The following SETX variants were observed in gnomAD, a reference collection of about 807,000 sequenced individuals.
SETX encodes senataxin.
A neutral mutation model predicts 227.2 loss-of-function variants in SETX; 90 were observed. The ratio of observed to expected loss-of-function variants is 0.40; its 90% CI spans 0.33 to 0.47. The LOEUF is 0.47. SETX is among the 20% of genes least tolerant of loss of function. SETX has a pLI of 0.91. For synonymous variants in SETX, 1,210 were observed against 1,113.2 expected, an observed-to-expected ratio of 1.09 and a Z score of -1.73; for missense variants, 3,052 against 3,181.5, an observed-to-expected ratio of 0.96 and a Z score of 0.98.
At chr9:132,342,454 A>G (rs1848034921) in intron 5 of SETX, among the ~76,000 whole-genome samples, 1 of 152,190 alleles carries the variant, frequency 6.6e-6, no homozygotes, top group African/African-American at 2.4e-5. Context: ...AAGGACATCA[A>G]GTTATTCCCG....
chr9:132,269,019 A>C (rs537068885), intron 25 of SETX, among the ~76,000 whole-genome samples: 30 of 152,366 alleles, frequency 2.0e-4, no homozygotes, highest in Admixed American at 1.9e-3. Context: ...GGAAAACTAC[A>C]AAGTTATTAC....
intron 25 of SETX, among the ~76,000 whole-genome samples, chr9:132,267,905 T>C (rs941409090): frequency 3.9e-5 from 6 of 152,138 alleles, no homozygotes; most frequent in Admixed American, 1.3e-4. Flanking sequence ...CACCATGAGG[T>C]GCCAACTTAA....
At position 132,349,244 on chromosome 9, in the gene SETX, T is replaced by C. The variant is rs778179519; in HGVS notation, c.177+8A>G. 6.2e-7 allele frequency: 1 copy of C among 1,613,618 alleles called. No homozygotes were observed. Reference sequence around the variant, plus strand: ...TCTGAAAAATATTGCCCATCTAATATATTTTACCTCATGCAAGAATGGCAA... The same window carrying C: ...TCTGAAAAATATTGCCCATCTAATACATTTTACCTCATGCAAGAATGGCAA... On this transcript the variant is annotated splice_region_variant and intron_variant, in intron 3 of 25. Coordinates refer to ENST00000224140, the MANE Select transcript of SETX (RefSeq NM_015046.7).
At chr9:132,331,512 G>A (rs1847233852) in intron 7 of SETX, 64 bp from the exon 8 acceptor site, 9 of 1,539,502 alleles carry the variant, frequency 5.8e-6, no homozygotes, top group Non-Finnish European at 8.0e-6. Flanking sequence ...ACAATATATT[G>A]AGAATTAAGC....
chr9:132,340,805 A>G (rs1468286078), intron 5 of SETX, among the ~76,000 whole-genome samples: 5 of 152,156 alleles, frequency 3.3e-5, no homozygotes, highest in Admixed American at 3.3e-4. Context: ...TTGAGAACAG[A>G]TTTGGATGCA....
At position 132,335,165 on chromosome 9, in the gene SETX, C is replaced by T. The variant is rs143151481; in HGVS notation, c.719-438G>A. Among the ~76,000 whole-genome samples, 2,821 of 151,706 alleles carry T rather than the reference C, an allele frequency of 0.019. 135 individuals are homozygous for T. In the East Asian group the frequency reaches 0.2, roughly 11 times the overall value. ...CAGCACTTTGGGAGGCCAAGGCGGGCAGATCACAAAGTCAGGAGATCGAGA... is the reference window on the plus strand; with the variant it reads ...CAGCACTTTGGGAGGCCAAGGCGGGTAGATCACAAAGTCAGGAGATCGAGA... On this transcript the variant is annotated intron_variant, in intron 6 of 25. Transcript: ENST00000224140.
At chr9:132,278,017 A>T in intron 21 of SETX, 53 bp downstream of exon 21, 1 of 1,517,136 alleles carries the variant, frequency 6.6e-7, no homozygotes, top group Non-Finnish European at 9.1e-7. Context: ...TCTATTCTTC[A>T]TAAGTAGCTA....
At chr9:132,316,960 C>T (rs1846006372) in intron 10 of SETX, among the ~76,000 whole-genome samples, 1 of 152,170 alleles carries the variant, frequency 6.6e-6, no homozygotes, top group Non-Finnish European at 1.5e-5. Context: ...GCCTATCAAT[C>T]ACCTCAAAAC....
intron 23 of SETX, among the ~76,000 whole-genome samples, chr9:132,273,082 AAC>A (rs538048392): frequency 6.7e-6 from 1 of 150,228 alleles, no homozygotes; most frequent in South Asian, 2.1e-4. Context: ...AAAATGAAAA[AAC>A]ACACAAAAAA....
intron 4 of SETX, among the ~76,000 whole-genome samples, chr9:132,345,257 T>G (rs1401628472): frequency 6.6e-6 from 1 of 152,162 alleles, no homozygotes; most frequent in Non-Finnish European, 1.5e-5. Context: ...ACAGACATAC[T>G]ACAAGAATGA....
At chr9:132,324,643 A>G (rs1166214347) in intron 10 of SETX, among the ~76,000 whole-genome samples, 7 of 152,288 alleles carry the variant, frequency 4.6e-5, no homozygotes, top group African/African-American at 1.7e-4. Flanking sequence ...CCTTATCTCA[A>G]TCCCAAATGG....
At position 132,336,280 on chromosome 9, in the gene SETX, T is replaced by C. The variant is rs769647958; in HGVS notation, c.718+16A>G. 4.4e-6 allele frequency: 7 copies of C among 1,581,074 alleles called. No individual in the cohort carries two copies. The East Asian group carries it at 1.1e-4, about 25-fold the overall frequency. Reference sequence around the variant, plus strand: ...TACGAAAATACCAATTATATTAGTGTAGGAATAATACTCACCTAACCAATA... The same window carrying C: ...TACGAAAATACCAATTATATTAGTGCAGGAATAATACTCACCTAACCAATA... On this transcript the variant is annotated intron_variant, in intron 6 of 25. Coordinates refer to ENST00000224140, the MANE Select transcript of SETX (RefSeq NM_015046.7).
chr9:132,325,266 G>A (rs1011847155), intron 10 of SETX, among the ~76,000 whole-genome samples: 1 of 152,140 alleles, frequency 6.6e-6, no homozygotes, highest in African/African-American at 2.4e-5. Context: ...TGAGGCAGGA[G>A]AACAGCCTGA....
chr9:132,325,152 T>G (rs375504048), intron 10 of SETX, among the ~76,000 whole-genome samples: 9 of 151,960 alleles, frequency 5.9e-5, no homozygotes, highest in South Asian at 4.2e-4. Context: ...GTCAGGAGAT[T>G]GAGACCATCC....
rs1844051793 is a variant in SETX at position 132,288,326 on chromosome 9, C to G, written c.6234G>C (p.Gln2078His). The G allele has an allele frequency of 6.2e-7, 1 of 1,613,780 alleles. No individual in the cohort carries two copies. The highest frequency in any genetic ancestry group is 8.5e-7 in the Non-Finnish European group (1 of 1,179,824). ...RMKKELPSHV[Q>H]AMHKRKEFLD... is the part of the protein sequence containing the mutation. Reference sequence around the variant, plus strand: ...GAAATTCCTTTCTTTTATGCATCGCCTGAACATGAGAAGGTAACTCTTTTT... The same window carrying G: ...GAAATTCCTTTCTTTTATGCATCGCGTGAACATGAGAAGGTAACTCTTTTT... Residue 2078 changes from glutamine to histidine, a missense_variant, in exon 17 of 26, where the codon CAG (glutamine) becomes CAC (histidine). Transcript: ENST00000224140.
At chr9:132,303,352 A>AAC (rs1845132618) in intron 11 of SETX, among the ~76,000 whole-genome samples, 1 of 151,724 alleles carries the variant, frequency 6.6e-6, no homozygotes, top group African/African-American at 2.4e-5. Context: ...AAAAAAAAAA[A>AAC]AAAACCCTTA....
intron 17 of SETX, among the ~76,000 whole-genome samples, chr9:132,287,977 C>T (rs1315252155): frequency 6.6e-6 from 1 of 152,168 alleles, no homozygotes; most frequent in East Asian, 1.9e-4. Context: ...GAGTTCGAGA[C>T]TAGCCTGGCC....
In SETX at chr9:132,264,997, GAGA is replaced by G. The variant is rs1415134181; in HGVS notation, c.7288-15_7288-13del. The stretch of plus-strand genomic sequence containing the variant: ...CAATGCTGGTTTTCCTTGAAACAAT[GAGA>G]AGGGAGAAATAATTACACCCCAAAG... On this transcript the variant is annotated splice_polypyrimidine_tract_variant and intron_variant, in intron 25 of 25. Transcript: ENST00000224140. 1 of 1,611,816 alleles carries G rather than the reference GAGA, an allele frequency of 6.2e-7. No individual in the cohort carries two copies. Among genetic ancestry groups the G allele is most frequent in the Non-Finnish European group, 8.5e-7 (1 of 1,180,008 alleles).
In SETX at chr9:132,318,100, G is replaced by C. The variant is rs150644026; in HGVS notation, c.5275-6244C>G. On this transcript the variant is annotated intron_variant, in intron 10 of 25. Transcript: ENST00000224140. ...TTTCGTGATAACTTGTGGGAGATCT[G>C]AGTGGACATTCTAGCTTGCCTACAC... 8.2e-4 allele frequency among the ~76,000 whole-genome samples: 125 copies of C among 152,138 alleles called. 1 individual carries two copies. The highest frequency in any genetic ancestry group is 3.0e-3 in the African/African-American group (125 of 41,484).
Sources: allele counts gnomAD v4.1 joint callset (sites outside exome capture counted in the v4.1 genomes callset), GRCh38; gene constraint gnomAD v4.1.1; transcripts MANE v1.5; gene names NCBI Gene and HGNC (gene_info 2026-07-23, HGNC 2026-07-21).